PLAC1: variants seen among roughly 807,000 people sequenced by gnomAD.
PLAC1 encodes placenta associated 1.
For missense variants in PLAC1, 136 were observed against 163.2 expected (o/e 0.83, Z 0.91); for synonymous variants, 68 against 62.1 (o/e 1.09, Z -0.44).
chrX:134,750,882 AATATATATATATATATT>A lies in PLAC1; in HGVS notation n.89+13335_89+13351del. Among the ~76,000 whole-genome samples the A allele has an allele frequency of 1.7e-4, 2 of 12,064 alleles. 1 individual carries two copies. The highest frequency in any genetic ancestry group is 1.6e-3 in the African/African-American group (2 of 1,258). 10.5% of individuals were successfully genotyped at this position (12,064 alleles called of 115,157 possible). A position where few individuals can be genotyped will look rare whatever the true frequency, so the allele number is the denominator to read the frequency against. ...ATATTTTTATATATATATATTTATA[AATATATATATATATATT>A]TATATATATATTTATATATATATAT... is the stretch of plus-strand genomic sequence containing the variant. On this transcript the variant is annotated intron_variant and non_coding_transcript_variant, in intron 1 of 2. Coordinates refer to the PLAC1 transcript ENST00000466797.
chrX:134,711,477 A>G (rs2078627877), intron 2 of PLAC1, among the ~76,000 whole-genome samples: 1 of 111,998 alleles, frequency 8.9e-6, no homozygotes, highest in South Asian at 3.7e-4. Context: ...TGTGGCTTTG[A>G]GACTTCTACT....
At chrX:134,732,211 A>G in intron 2 of PLAC1, among the ~76,000 whole-genome samples, 1 of 111,548 alleles carries the variant, frequency 9.0e-6, no homozygotes, top group Non-Finnish European at 1.9e-5. Flanking sequence ...AGCTCCAGAC[A>G]GAAATTAAAT....
chrX:134,758,420 A>G (rs186277814), intron 1 of PLAC1, among the ~76,000 whole-genome samples: 42 of 112,248 alleles, frequency 3.7e-4, no homozygotes, highest in Non-Finnish European at 6.8e-4. Flanking sequence ...TATAGTAACC[A>G]AAACAGCATG....
At chrX:134,642,734 G>C (rs140226406) in intron 1 of PLAC1, among the ~76,000 whole-genome samples, 1 of 111,406 alleles carries the variant, frequency 9.0e-6, no homozygotes, top group Non-Finnish European at 1.9e-5. Context: ...TGCTAAGAAA[G>C]ATTAAAGCAA....
intron 2 of PLAC1, among the ~76,000 whole-genome samples, chrX:134,582,059 GA>G (rs1378080856): frequency 1.8e-5 from 2 of 112,368 alleles, no homozygotes; most frequent in African/African-American, 6.5e-5. Flanking sequence ...GGTAGAAGCT[GA>G]AATAGAATAA....
chrX:134,616,907 C>T (rs1385341970), intron 1 of PLAC1, among the ~76,000 whole-genome samples: 1 of 108,679 alleles, frequency 9.2e-6, no homozygotes, highest in Non-Finnish European at 1.9e-5. Flanking sequence ...TCCCAAGTAG[C>T]TGGGATTATA....
intron 2 of PLAC1, among the ~76,000 whole-genome samples, chrX:134,595,365 G>A (rs1380612350): frequency 2.7e-5 from 3 of 110,078 alleles, no homozygotes; most frequent in Non-Finnish European, 5.7e-5. Flanking sequence ...ATTAGATCCT[G>A]TTATTGTTGG....
intron 1 of PLAC1, among the ~76,000 whole-genome samples, chrX:134,647,410 CTGTGTGTGTG>C (rs200761671): frequency 3.3e-5 from 3 of 90,144 alleles, no homozygotes; most frequent in East Asian, 3.4e-4. Context: ...ATGCATGCAT[CTGTGTGTGTG>C]TGTGTGTGTG....
intron 2 of PLAC1, among the ~76,000 whole-genome samples, chrX:134,591,330 C>T (rs1436673165): frequency 8.9e-6 from 1 of 112,445 alleles, no homozygotes; most frequent in African/African-American, 3.2e-5. Flanking sequence ...ACTTCTCATA[C>T]ACTGCTACAA....
intron 1 of PLAC1, among the ~76,000 whole-genome samples, chrX:134,762,836 AAAAAAAAAAAAAGAAAAG>A (rs2078773501): frequency 9.4e-6 from 1 of 105,908 alleles, no homozygotes; most frequent in African/African-American, 3.4e-5. Context: ...AAAAAAAAAA[AAAAAAAAAAAAAGAAAAG>A]AAAAGAAAAG....
intron 2 of PLAC1, among the ~76,000 whole-genome samples, chrX:134,715,224 G>A (rs1357656456): frequency 9.0e-6 from 1 of 111,309 alleles, no homozygotes; most frequent in Non-Finnish European, 1.9e-5. Flanking sequence ...GCAGAGCTGA[G>A]ATTTGAAACT....
At chrX:134,688,343 T>C (rs1401300291) in intron 2 of PLAC1, among the ~76,000 whole-genome samples, 1 of 112,188 alleles carries the variant, frequency 8.9e-6, no homozygotes, top group Non-Finnish European at 1.9e-5. Flanking sequence ...GTTCTCACTT[T>C]GTCAAATTAT....
chrX:134,571,411 G>T (rs1289276588), intron 2 of PLAC1, among the ~76,000 whole-genome samples: 1 of 111,323 alleles, frequency 9.0e-6, no homozygotes, highest in African/African-American at 3.3e-5. Flanking sequence ...TTGGGGTGGA[G>T]TGGAAGGGGT....
chrX:134,573,387 A>T (rs926496073), intron 2 of PLAC1, among the ~76,000 whole-genome samples: 5 of 111,539 alleles, frequency 4.5e-5, no homozygotes, highest in Non-Finnish European at 9.4e-5. Flanking sequence ...GTCCCTTCTC[A>T]TTTTAAAAGA....
At chrX:134,579,256 C>T (rs1247238247) in intron 2 of PLAC1, among the ~76,000 whole-genome samples, 2 of 110,875 alleles carry the variant, frequency 1.8e-5, no homozygotes, top group African/African-American at 6.6e-5. Context: ...ACTGTGGAAA[C>T]GGGGGTCCCA....
intron 1 of PLAC1, among the ~76,000 whole-genome samples, chrX:134,631,278 A>T (rs750083344): frequency 3.6e-5 from 4 of 112,316 alleles, no homozygotes; most frequent in Non-Finnish European, 7.5e-5. Context: ...ACCTGAGCCC[A>T]TGTAGGAGGA....
At chrX:134,731,588 C>T (rs1475135536) in intron 2 of PLAC1, among the ~76,000 whole-genome samples, 1 of 112,009 alleles carries the variant, frequency 8.9e-6, no homozygotes, top group Non-Finnish European at 1.9e-5. Context: ...TGAATGCTAT[C>T]TAGCAATATC....
Position 134,625,601 on chromosome X carries a change from A to G in PLAC1, c.-130-23479T>C, listed in dbSNP as rs778477116. Among the ~76,000 whole-genome samples the G allele has an allele frequency of 6.2e-5, 7 of 112,053 alleles. No individual in the cohort carries two copies. In the South Asian group the frequency reaches 1.1e-3, roughly 18 times the overall value. ...CTTCTTTGTCAATTGTGAAACAAAC[A>G]GATCACCATGAACAGTCACTGGGGG... On this transcript the variant is annotated intron_variant, in intron 1 of 2. Coordinates refer to ENST00000359237, the MANE Select transcript of PLAC1 (RefSeq NM_021796.4).
At chrX:134,722,925 T>TGTTTGAGTCCAGGA (rs1191997893) in intron 2 of PLAC1, among the ~76,000 whole-genome samples, 1 of 109,494 alleles carries the variant, frequency 9.1e-6, no homozygotes, top group South Asian at 4.0e-4. Flanking sequence ...GCAGGAGGAC[T>TGTTTGAGTCCAGGA]GTTTGAGTCC....
Sources: gnomAD v4.1 joint callset for allele counts (sites outside exome capture counted in the v4.1 genomes callset) on GRCh38, gnomAD v4.1.1 for gene constraint, MANE v1.5 for transcripts, NCBI Gene and HGNC (gene_info 2026-07-23, HGNC 2026-07-21) for gene names.